The following ARFGEF3 variants were observed in gnomAD, a reference collection of about 807,000 sequenced individuals.
ARFGEF3 encodes brefeldin A-inhibited guanine nucleotide-exchange protein 3.
Under a neutral mutation model 221.7 loss-of-function variants are expected in ARFGEF3, and 96 were observed. The ratio of observed to expected loss-of-function variants is 0.43; its 90% CI spans 0.37 to 0.51. The LOEUF (loss-of-function observed/expected upper bound fraction) is 0.51. Ranked by LOEUF, ARFGEF3 falls within the 20% of genes least tolerant of loss-of-function variation. The pLI is 0.00. For missense variants in ARFGEF3, 2,410 were observed against 2,789.9 expected, an observed-to-expected ratio of 0.86 and a Z score of 3.07; for synonymous variants, 1,145 against 1,126.8, an observed-to-expected ratio of 1.02 and a Z score of -0.32.
rs1780039543 is a variant in ARFGEF3, at chr6:138,322,037, G to T, written c.4766+812G>T. 2.0e-5 allele frequency among the ~76,000 whole-genome samples: 3 copies of T among 152,166 alleles called. 1 individual carries two copies. Reference sequence around the variant, plus strand: ...CCCAGACATTTGGCCAAACATTATTGTGGGTGTGTCTCTGGGGGTGTTTCT... The same window carrying T: ...CCCAGACATTTGGCCAAACATTATTTTGGGTGTGTCTCTGGGGGTGTTTCT... On this transcript the variant is annotated intron_variant, in intron 29 of 33. Transcript: ENST00000251691.
At chr6:138,256,734 A>G (rs1272061254) in intron 10 of ARFGEF3, among the ~76,000 whole-genome samples, 2 of 152,084 alleles carry the variant, frequency 1.3e-5, no homozygotes, top group Admixed American at 6.5e-5. Flanking sequence ...CACTTCACAT[A>G]TATTTTTTTA....
At position 138,321,122 on chromosome 6, in the gene ARFGEF3, G is replaced by A. The variant is rs1455971497; in HGVS notation, c.4663G>A (p.Glu1555Lys). The A allele has an allele frequency of 2.6e-6, 4 of 1,552,710 alleles. No homozygotes were observed. Among genetic ancestry groups the A allele is most frequent in the East Asian group, 2.4e-5 (1 of 41,788 alleles). The change falls in exon 29 of 34, where the codon GAG becomes AAG. Residue 1555 changes from glutamate to lysine, a missense_variant. Around this residue, in one of 5 missense-constraint regions of ARFGEF3, gnomAD observed 723 missense variants for 991.9 expected, o/e 0.73. Coordinates refer to ENST00000251691, the MANE Select transcript of ARFGEF3 (RefSeq NM_020340.5). ...GCTGTTTCCCATAGATATCAGGTAC[G>A]AGAGCATGATCAATACCATGCTGAA... ...QSFLHSDIRY[E>K]SMINTMLKDL...
chr6:138,323,475 G>A (rs1016333049), intron 29 of ARFGEF3, among the ~76,000 whole-genome samples, 196 bp from the exon 30 acceptor site: 1 of 152,142 alleles, frequency 6.6e-6, no homozygotes, highest in African/African-American at 2.4e-5. Flanking sequence ...GCCAGGCATG[G>A]AGGCGCATGC....
At chr6:138,184,329 T>C (rs557024074) in intron 2 of ARFGEF3, among the ~76,000 whole-genome samples, 1 of 152,292 alleles carries the variant, frequency 6.6e-6, no homozygotes, top group African/African-American at 2.4e-5. Flanking sequence ...GAAGATTACA[T>C]AAGATGTAAT....
intron 5 of ARFGEF3, among the ~76,000 whole-genome samples, chr6:138,236,397 A>G (rs1007403429): frequency 6.6e-6 from 1 of 152,256 alleles, no homozygotes; most frequent in African/African-American, 2.4e-5. Flanking sequence ...GGCTTCATCA[A>G]AGTGAATCAC....
chr6:138,236,110 A>T (rs1339755105), intron 5 of ARFGEF3, among the ~76,000 whole-genome samples: 2 of 152,328 alleles, frequency 1.3e-5, no homozygotes, highest in East Asian at 3.9e-4. Context: ...ACTTTCTTTC[A>T]TGAGTCTAAA....
intron 10 of ARFGEF3, among the ~76,000 whole-genome samples, chr6:138,259,099 T>C (rs986992100): frequency 2.0e-5 from 3 of 152,186 alleles, no homozygotes; most frequent in African/African-American, 7.2e-5. Context: ...AGCAGACTGA[T>C]TGGGGCCAGG....
In ARFGEF3 at chr6:138,253,890, C is replaced by A. The variant is rs1400679448; in HGVS notation, c.676C>A (p.Gln226Lys). The A allele has an allele frequency of 1.9e-6, 3 of 1,580,976 alleles. No homozygotes were observed. Among genetic ancestry groups the A allele is most frequent in the Non-Finnish European group, 1.7e-6 (2 of 1,163,258 alleles). ...TCTGCTCTTCTGCAGTGACAGCCAG[C>A]AGCTGCAGCTTCTCTACCTGGAGTG... ...KLQAAINDSQ[Q>K]LQLLYLECIL... Residue 226 changes from glutamine (Q) to lysine (K), a missense_variant, in exon 9 of 34, where the codon CAG becomes AAG. This residue lies in a region of ARFGEF3 where 570 missense variants were observed against 586.9 expected (regional missense o/e 0.97). Coordinates refer to ENST00000251691, the MANE Select transcript of ARFGEF3 (RefSeq NM_020340.5).
intron 22 of ARFGEF3, among the ~76,000 whole-genome samples, chr6:138,304,944 C>A (rs999112726): frequency 9.2e-5 from 14 of 152,112 alleles, no homozygotes; most frequent in African/African-American, 3.1e-4. Context: ...TTGATCCTTA[C>A]AATTAAATTT....
At chr6:138,329,761 G>A (rs1017459168) in intron 32 of ARFGEF3, among the ~76,000 whole-genome samples, 1 of 152,218 alleles carries the variant, frequency 6.6e-6, no homozygotes, top group Non-Finnish European at 1.5e-5. Context: ...TGGACAGAAT[G>A]TGTCCCCCCA....
chr6:138,197,528 T>C (rs1469819498), intron 2 of ARFGEF3, among the ~76,000 whole-genome samples: 2 of 152,222 alleles, frequency 1.3e-5, no homozygotes, highest in Admixed American at 1.3e-4. Flanking sequence ...CACAGTTGAT[T>C]TGTTTACACT....
At chr6:138,324,186 C>G in intron 31 of ARFGEF3, 32 bp downstream of exon 31, 1 of 1,595,128 alleles carries the variant, frequency 6.3e-7, no homozygotes, top group South Asian at 1.1e-5. Context: ...CTCAGGAGCT[C>G]TAGAAACTCG....
intron 10 of ARFGEF3, among the ~76,000 whole-genome samples, chr6:138,257,980 T>G (rs552582888): frequency 6.6e-6 from 1 of 152,216 alleles, no homozygotes; most frequent in Non-Finnish European, 1.5e-5. Context: ...AAATAGCTGG[T>G]TCAATTCTAG....
At chr6:138,258,661 T>G (rs1430030762) in intron 10 of ARFGEF3, among the ~76,000 whole-genome samples, 3 of 152,204 alleles carry the variant, frequency 2.0e-5, no homozygotes, top group Admixed American at 1.3e-4. Context: ...CAACTATACT[T>G]TTGTATATAG....
At chr6:138,176,200 T>A (rs1410115520) in intron 2 of ARFGEF3, among the ~76,000 whole-genome samples, 2 of 148,800 alleles carry the variant, frequency 1.3e-5, no homozygotes, top group African/African-American at 5.1e-5. Flanking sequence ...TTTTTTTTTT[T>A]AGACGGAGTC....
At chr6:138,265,844 A>G (rs1172016046) in intron 12 of ARFGEF3, among the ~76,000 whole-genome samples, 1 of 152,032 alleles carries the variant, frequency 6.6e-6, no homozygotes, top group Non-Finnish European at 1.5e-5. Flanking sequence ...CCCAGGCTGA[A>G]GTGCAGTGGC....
chr6:138,343,074 T>C lies in ARFGEF3; in HGVS notation c.*6588T>C, dbSNP rs1194738141. On this transcript the variant is annotated 3_prime_UTR_variant, in exon 34 of 34. Transcript: ENST00000251691. ...GAATCAGTGTGCTTTGGGAATTCAG[T>C]GAAATCATGTTAACTCATATAGAGG... 6.6e-6 allele frequency: 1 copy of C among 152,200 alleles called. No individual in the cohort carries two copies. The highest frequency in any genetic ancestry group is 1.5e-5 in the Non-Finnish European group (1 of 68,026). 9.4% of individuals were successfully genotyped at this position (152,200 alleles called of 1,614,324 possible).
intron 2 of ARFGEF3, among the ~76,000 whole-genome samples, chr6:138,188,276 C>T (rs918590722): frequency 5.9e-5 from 9 of 152,072 alleles, no homozygotes; most frequent in African/African-American, 1.4e-4. Context: ...ATATGAATGG[C>T]GAGAATAATC....
intron 2 of ARFGEF3, among the ~76,000 whole-genome samples, chr6:138,205,253 G>C (rs1016353935): frequency 6.6e-6 from 1 of 152,118 alleles, no homozygotes; most frequent in Non-Finnish European, 1.5e-5. Context: ...TCATAGCTAC[G>C]GGATATATTT....
Sources: gnomAD v4.1 joint callset for allele counts (sites outside exome capture counted in the v4.1 genomes callset) on GRCh38, gnomAD v4.1.1 for gene constraint, gnomAD v4.1.1 regional missense constraint, MANE v1.5 for transcripts, NCBI Gene and HGNC (gene_info 2026-07-23, HGNC 2026-07-21) for gene names.